Variants in ATP2A2 observed in about 807,000 individuals in gnomAD.
ATP2A2 encodes sarcoplasmic/endoplasmic reticulum calcium ATPase 2.
ATP2A2 carries 14 observed loss-of-function variants against 109.3 expected under a neutral mutation model. The observed-to-expected ratio is 0.13, with a 90% CI of 0.08 to 0.20. The LOEUF (loss-of-function observed/expected upper bound fraction) is 0.20, where lower values mean the gene tolerates loss of function less well. ATP2A2 is among the 10% of genes least tolerant of loss of function. The pLI, the probability that ATP2A2 is intolerant of heterozygous loss-of-function variation, is 1.00. For missense variants in ATP2A2, 657 were observed against 1,321.6 expected, an observed-to-expected ratio of 0.50 and a Z score of 7.80; for synonymous variants, 506 against 490.9, an observed-to-expected ratio of 1.03 and a Z score of -0.41.
chr12:110,309,319 G>A (rs531195403), intron 5 of ATP2A2, among the ~76,000 whole-genome samples: 4 of 151,260 alleles, frequency 2.6e-5, no homozygotes, highest in South Asian at 4.2e-4. Flanking sequence ...CACCACACCC[G>A]GCTAATTTTT....
At position 110,346,248 on chromosome 12, in the gene ATP2A2, G is replaced by A; in HGVS notation, c.2907G>A (p.Val969=). The A allele has an allele frequency of 6.2e-7, 1 of 1,614,208 alleles. No individual in the cohort carries two copies. Among genetic ancestry groups the A allele is most frequent in the Non-Finnish European group, 8.5e-7 (1 of 1,180,032 alleles). The part of the protein sequence containing the change: ...TPLNVTQWLM[V]LKISLPVILM... ...TGAACGTGACCCAGTGGCTGATGGT[G>A]CTGAAAATCTCCTTGCCCGTGATTC... Residue 969 remains valine, a synonymous_variant, in exon 20 of 20, where the codon GTG becomes GTA. Coordinates refer to ENST00000539276, the MANE Select transcript of ATP2A2 (RefSeq NM_170665.4).
intron 4 of ATP2A2, among the ~76,000 whole-genome samples, chr12:110,295,162 AT>A (rs1873833338): frequency 1.3e-5 from 2 of 150,578 alleles, no homozygotes; most frequent in Admixed American, 1.3e-4. Flanking sequence ...AGGGTCAGAG[AT>A]AATTTATCTT....
At chr12:110,286,497 T>A (rs1475643692) in intron 3 of ATP2A2, among the ~76,000 whole-genome samples, 2 of 152,236 alleles carry the variant, frequency 1.3e-5, no homozygotes, top group Non-Finnish European at 2.9e-5. Context: ...GAGTACTTTT[T>A]AAAAAGATTG....
chr12:110,290,803 C>A (rs963058343), intron 3 of ATP2A2, among the ~76,000 whole-genome samples: 3 of 151,948 alleles, frequency 2.0e-5, no homozygotes, highest in African/African-American at 4.8e-5. Context: ...GTGGTTTCAC[C>A]TTGTTGGCCA....
At chr12:110,337,737 A>T (rs961206018) in intron 11 of ATP2A2, among the ~76,000 whole-genome samples, 1 of 152,256 alleles carries the variant, frequency 6.6e-6, no homozygotes, top group East Asian at 1.9e-4. Flanking sequence ...GGAAAAAACA[A>T]TAAGGTCACC....
At chr12:110,311,577 C>T (rs540527360) in intron 5 of ATP2A2, among the ~76,000 whole-genome samples, 2 of 105,484 alleles carry the variant, frequency 1.9e-5, no homozygotes, top group Non-Finnish European at 3.4e-5. Context: ...GCCTGGGGGA[C>T]AGAGCGAGAC....
intron 3 of ATP2A2, among the ~76,000 whole-genome samples, chr12:110,291,593 A>C (rs144031296): frequency 3.4e-4 from 52 of 151,168 alleles, no homozygotes; most frequent in African/African-American, 1.1e-3. Context: ...TTATTTCTAG[A>C]GAAAGAAAAT....
chr12:110,327,432 A>T lies in ATP2A2; in HGVS notation c.631-121A>T. On this transcript the variant is annotated intron_variant, in intron 7 of 19. Transcript: ENST00000539276. The surrounding 1 kb of genome is among the most constrained non-coding windows in gnomAD (Gnocchi z 4.4). ...TTGTATGGCTGGTTGCTTGAACAGTAGCCAGTGGAAGACCTAGTAGAATGT... is the reference window on the plus strand; with the variant it reads ...TTGTATGGCTGGTTGCTTGAACAGTTGCCAGTGGAAGACCTAGTAGAATGT... 6.7e-6 allele frequency: 6 copies of T among 895,074 alleles called. No homozygotes were observed. The South Asian group carries it at 8.0e-5, about 12-fold the overall frequency. 55.4% of individuals were successfully genotyped at this position (895,074 alleles called of 1,614,324 possible).
intron 11 of ATP2A2, among the ~76,000 whole-genome samples, chr12:110,336,811 T>G (rs1592855907): frequency 6.6e-6 from 1 of 152,332 alleles, no homozygotes; most frequent in East Asian, 1.9e-4. Context: ...GCTTCTTCCC[T>G]CTACCCATGT....
chr12:110,343,448 T>TCCC lies in ATP2A2; in HGVS notation c.2521+14_2521+15insCCC. The TCCC allele has an allele frequency of 1.2e-6, 2 of 1,613,014 alleles. No individual in the cohort carries two copies. The stretch of plus-strand genomic sequence containing the variant: ...TGGCTATTGGCTGTGAGTACAATTT[T>TCCC]TTTATATTACTGATTTTTAAACAAA... On this transcript the variant is annotated intron_variant, in intron 16 of 19. Coordinates refer to ENST00000539276, the MANE Select transcript of ATP2A2 (RefSeq NM_170665.4).
intron 4 of ATP2A2, chr12:110,296,352 T>G (rs1313261293): frequency 2.0e-6 from 1 of 492,874 alleles, no homozygotes. Flanking sequence ...GACAGCAGAG[T>G]CTGTAATTGC....
chr12:110,349,678 C>G lies in ATP2A2; in HGVS notation c.*3208C>G. On this transcript the variant is annotated 3_prime_UTR_variant, in exon 20 of 20. Transcript: ENST00000539276. The stretch of plus-strand genomic sequence containing the variant: ...GATTAGCTCAGTGTCTACCAAGCAT[C>G]TAGCCACTGTCCAGGGCCAGAGCAT... 1.0e-6 allele frequency: 1 copy of G among 991,064 alleles called. No individual in the cohort carries two copies. The highest frequency in any genetic ancestry group is 1.2e-6 in the Non-Finnish European group (1 of 832,790). The allele number at this position is 991,064 out of a possible 1,614,324, so 61.4% of individuals were successfully genotyped here. A position where few individuals can be genotyped will look rare whatever the true frequency, so the allele number is the denominator to read the frequency against.
At position 110,296,584 on chromosome 12, in the gene ATP2A2, T is replaced by A; in HGVS notation, c.325-15T>A. The A allele has an allele frequency of 6.2e-7, 1 of 1,614,096 alleles. No homozygotes were observed. Among genetic ancestry groups the A allele is most frequent in the Non-Finnish European group, 8.5e-7 (1 of 1,179,978 alleles). The stretch of plus-strand genomic sequence containing the variant: ...CAGGCAGGTCTTTACTACTCTTCTG[T>A]TTTCTTTTATACAGGAAAGAAATGC... On this transcript the variant is annotated splice_polypyrimidine_tract_variant and intron_variant, in intron 4 of 19. Transcript: ENST00000539276.
At chr12:110,282,874 C>A (rs968305848) in intron 3 of ATP2A2, 79 bp downstream of exon 3, 2 of 1,197,372 alleles carry the variant, frequency 1.7e-6, no homozygotes, top group Non-Finnish European at 2.4e-6. Context: ...CAAATGATGT[C>A]CATTGGGTGA....
chr12:110,292,563 C>T (rs1873433989), intron 4 of ATP2A2, among the ~76,000 whole-genome samples: 1 of 152,128 alleles, frequency 6.6e-6, no homozygotes, highest in Non-Finnish European at 1.5e-5. Flanking sequence ...GCCACCATGC[C>T]CGGCCTATTA....
Position 110,339,260 on chromosome 12 carries a change from C to A in ATP2A2, c.1420-21C>A. 1 of 1,613,620 alleles carries A rather than the reference C, an allele frequency of 6.2e-7. No individual in the cohort carries two copies. Among genetic ancestry groups the A allele is most frequent in the Non-Finnish European group, 8.5e-7 (1 of 1,179,952 alleles). ...TTCAGAAATTGCCACCCAGTAGTAT[C>A]CATATTTGTTCCCTTTGTAGGTCAT... is the stretch of plus-strand genomic sequence containing the variant. On this transcript the variant is annotated intron_variant, in intron 11 of 19. Transcript: ENST00000539276. The surrounding 1 kb of genome is among the most constrained non-coding windows in gnomAD (Gnocchi z 4.4).
At position 110,346,839 on chromosome 12, in the gene ATP2A2, GT is replaced by G. The variant is rs949135120; in HGVS notation, c.*377del. 6 of 1,116,688 alleles carry G rather than the reference GT, an allele frequency of 5.4e-6. No homozygotes were observed. In the South Asian group the frequency reaches 6.7e-5, roughly 13 times the overall value. 69.2% of individuals were successfully genotyped at this position (1,116,688 alleles called of 1,614,324 possible). A position where few individuals can be genotyped will look rare whatever the true frequency, so the allele number is the denominator to read the frequency against. On this transcript the variant is annotated 3_prime_UTR_variant, in exon 20 of 20. Coordinates refer to ENST00000539276, the MANE Select transcript of ATP2A2 (RefSeq NM_170665.4). ...AGATTTTAGGAAATGAATGTGTGTG[GT>G]TTTTTTTCTAAAACTAAATAGCATG...
At position 110,296,595 on chromosome 12, in the gene ATP2A2, A is replaced by G. The variant is rs1465458400; in HGVS notation, c.325-4A>G. 3.1e-5 allele frequency: 50 copies of G among 1,613,950 alleles called. No homozygotes were observed. Among genetic ancestry groups the G allele is most frequent in the Non-Finnish European group, 4.2e-5 (49 of 1,180,010 alleles). ...TTACTACTCTTCTGTTTTCTTTTATACAGGAAAGAAATGCTGAAAATGCCA... is the reference window on the plus strand; with the variant it reads ...TTACTACTCTTCTGTTTTCTTTTATGCAGGAAAGAAATGCTGAAAATGCCA... On this transcript the variant is annotated splice_polypyrimidine_tract_variant and splice_region_variant and intron_variant, in intron 4 of 19. Coordinates refer to ENST00000539276, the MANE Select transcript of ATP2A2 (RefSeq NM_170665.4).
Position 110,334,031 on chromosome 12 carries a change from A to G in ATP2A2, c.1307A>G (p.Lys436Arg). 1.9e-6 allele frequency: 3 copies of G among 1,614,126 alleles called. No homozygotes were observed. The highest frequency in any genetic ancestry group is 2.5e-6 in the Non-Finnish European group (3 of 1,180,024). The part of the protein sequence containing the change: ...DYNEAKGVYE[K>R]VGEATETALT... The stretch of plus-strand genomic sequence containing the variant: ...ATACAGGCAAAGGGTGTGTATGAAA[A>G]AGTTGGAGAAGCTACAGAGACTGCT... Residue 436 changes from lysine (K) to arginine (R), a missense_variant, in exon 11 of 20, where the codon AAA becomes AGA. By Grantham distance (26) the Lys-to-Arg change is conservative. Coordinates refer to ENST00000539276, the MANE Select transcript of ATP2A2 (RefSeq NM_170665.4).
Sources: allele counts gnomAD v4.1 joint callset (sites outside exome capture counted in the v4.1 genomes callset), GRCh38; gene constraint gnomAD v4.1.1; non-coding constraint Gnocchi (gnomAD v3.1); transcripts MANE v1.5; gene names NCBI Gene and HGNC (gene_info 2026-07-23, HGNC 2026-07-21).